MYO18B: variants seen among roughly 807,000 people sequenced by gnomAD.
MYO18B encodes the protein myosin XVIIIB.
MYO18B carries 204 observed loss-of-function variants against 273.0 expected under a neutral mutation model. The observed-to-expected ratio is 0.75, with a 90% confidence interval of 0.67 to 0.84. The LOEUF is 0.84. MYO18B is among the 40% of genes least tolerant of loss of function. MYO18B has a pLI of 0.00. For synonymous variants in MYO18B, 1,330 were observed against 1,305.7 expected, an observed-to-expected ratio of 1.02 and a Z score of -0.40; for missense variants, 3,212 against 3,287.6, an observed-to-expected ratio of 0.98 and a Z score of 0.56.
chr22:25,777,116 G>A (rs964447336), intron 7 of MYO18B, among the ~76,000 whole-genome samples: 5 of 152,106 alleles, frequency 3.3e-5, no homozygotes, highest in Non-Finnish European at 7.4e-5. Context: ...AAGCAGATAC[G>A]GTTTTAGTTA....
the MYO18B span, among the ~76,000 whole-genome samples, chr22:26,052,872 G>A: frequency 6.7e-6 from 1 of 149,962 alleles, no homozygotes; most frequent in Non-Finnish European, 1.5e-5. Context: ...GCGTGATCTC[G>A]GCTCACTGCA....
intron 12 of MYO18B, among the ~76,000 whole-genome samples, chr22:25,819,536 A>G (rs2089185996): frequency 6.9e-6 from 1 of 145,970 alleles, no homozygotes. Context: ...CTTAACAAAG[A>G]GAGAGCAGAT....
rs760084836 is a variant in MYO18B, at chr22:25,798,039, G to T, written c.2463G>T (p.Arg821=). ...EMLGISESEQ[R]AVWRVLAAIY... is the part of the protein sequence containing the mutation. ...TCGGCATCTCAGAGAGCGAGCAGCG[G>T]GCTGTTTGGCGGGTCCTGGCAGCCA... The change falls in exon 12 of 44, where the codon CGG becomes CGT. Residue 821 remains arginine (R), a synonymous_variant. Coordinates refer to ENST00000335473, the MANE Select transcript of MYO18B (RefSeq NM_032608.7). 6.2e-7 allele frequency: 1 copy of T among 1,612,872 alleles called. No individual in the cohort carries two copies. Among genetic ancestry groups the T allele is most frequent in the Non-Finnish European group, 8.5e-7 (1 of 1,179,060 alleles).
At chr22:25,789,327 T>TA (rs34023304) in intron 11 of MYO18B, among the ~76,000 whole-genome samples, 3 of 151,180 alleles carry the variant, frequency 2.0e-5, no homozygotes, top group South Asian at 2.1e-4. Flanking sequence ...AGCATCTGTT[T>TA]AAAAAAAAAA....
chr22:25,947,525 CA>C (rs1310081341), intron 35 of MYO18B, among the ~76,000 whole-genome samples, 186 bp from the exon 36 acceptor site: 8 of 147,178 alleles, frequency 5.4e-5, no homozygotes, highest in African/African-American at 1.9e-4. Context: ...CACACACACA[CA>C]CACACACACA....
intron 34 of MYO18B, among the ~76,000 whole-genome samples, chr22:25,923,145 C>G (rs1006208): frequency 2.0e-5 from 3 of 152,018 alleles, no homozygotes; most frequent in Non-Finnish European, 2.9e-5. Context: ...ATGAATAGAG[C>G]GAGTTTATGT....
chr22:25,947,487 T>TACACACACAGACACACAC (rs71311532), intron 35 of MYO18B, among the ~76,000 whole-genome samples: 4 of 110,616 alleles, frequency 3.6e-5, no homozygotes, highest in African/African-American at 1.4e-4. Context: ...TAATGCCTAA[T>TACACACACAGACACACAC]ACACACACAC....
chr22:26,034,439 G>C (rs1469946070), downstream of MYO18B, among the ~76,000 whole-genome samples: 2 of 152,214 alleles, frequency 1.3e-5, no homozygotes, highest in Non-Finnish European at 2.9e-5. Context: ...GTCTAAACTA[G>C]TACCAGCTTC....
intron 34 of MYO18B, among the ~76,000 whole-genome samples, chr22:25,937,155 C>T (rs1247887472): frequency 6.6e-6 from 1 of 151,824 alleles, no homozygotes; most frequent in Non-Finnish European, 1.5e-5. Flanking sequence ...GTGATCTTGG[C>T]TCACTGCAGC....
chr22:26,045,049 G>GT, the MYO18B span, among the ~76,000 whole-genome samples: 7,462 of 149,780 alleles, frequency 0.05, 236 homozygotes, highest in Admixed American at 0.1. Context: ...CTATGTGACT[G>GT]TTTTTTTTTG....
chr22:25,918,306 A>G (rs202176229), intron 33 of MYO18B, among the ~76,000 whole-genome samples: 4 of 152,172 alleles, frequency 2.6e-5, no homozygotes, highest in Non-Finnish European at 2.9e-5. Flanking sequence ...TCCTTTGACA[A>G]TGGACATTTG....
At chr22:25,941,019 G>GCA (rs1258607167) in intron 34 of MYO18B, among the ~76,000 whole-genome samples, 1 of 152,194 alleles carries the variant, frequency 6.6e-6, no homozygotes, top group Non-Finnish European at 1.5e-5. Flanking sequence ...GACTTAGTAC[G>GCA]CACGGAGGAA....
intron 40 of MYO18B, among the ~76,000 whole-genome samples, chr22:25,997,267 T>A (rs146729514): frequency 8.4e-6 from 1 of 118,654 alleles, no homozygotes; most frequent in Admixed American, 1.2e-4. Flanking sequence ...ATGGCGCCAG[T>A]GTACTATAGC....
At chr22:25,833,035 C>T in intron 16 of MYO18B, 38 bp downstream of exon 16, 1 of 1,574,056 alleles carries the variant, frequency 6.4e-7, no homozygotes, top group East Asian at 2.2e-5. Context: ...TCTCAGATGC[C>T]AGTTGGCCAT....
intron 39 of MYO18B, among the ~76,000 whole-genome samples, chr22:25,973,209 G>A (rs2093054254): frequency 6.6e-6 from 1 of 152,142 alleles, no homozygotes; most frequent in African/African-American, 2.4e-5. Context: ...ATTGCCGAGT[G>A]AACCCATGAA....
At chr22:25,902,473 A>G (rs2091957433) in intron 29 of MYO18B, 140 bp from the exon 30 acceptor site, 2 of 935,626 alleles carry the variant, frequency 2.1e-6, no homozygotes, top group Admixed American at 3.2e-5. Context: ...TACTTTCTCT[A>G]TCTCTCTTCT....
At chr22:25,830,128 T>G (rs1160917267) in intron 15 of MYO18B, among the ~76,000 whole-genome samples, 2 of 152,190 alleles carry the variant, frequency 1.3e-5, no homozygotes, top group African/African-American at 4.8e-5. Flanking sequence ...TCCAGTCATT[T>G]TTTTGGTTGG....
intron 18 of MYO18B, 25 bp downstream of exon 18, chr22:25,843,919 G>A (rs1009285605): frequency 6.3e-6 from 10 of 1,589,808 alleles, no homozygotes; most frequent in African/African-American, 2.7e-5. Flanking sequence ...GGTTGGGGAC[G>A]GGGATGGAGC....
intron 34 of MYO18B, among the ~76,000 whole-genome samples, chr22:25,926,205 AAAAAG>A (rs2092419054): frequency 6.6e-6 from 1 of 152,064 alleles, no homozygotes; most frequent in Non-Finnish European, 1.5e-5. Flanking sequence ...ACTGCGTCTC[AAAAAG>A]AAAAGAAAAA....
Sources: gnomAD v4.1 joint callset for allele counts (sites outside exome capture counted in the v4.1 genomes callset) on GRCh38, gnomAD v4.1.1 for gene constraint, MANE v1.5 for transcripts, NCBI Gene and HGNC (gene_info 2026-07-23, HGNC 2026-07-21) for gene names.